The following SLC17A5 variants were observed in gnomAD, a reference collection of about 807,000 sequenced individuals.
SLC17A5 encodes solute carrier family 17 member 5, also known as sialin.
In SLC17A5, 47 loss-of-function variants were observed where a neutral mutation model predicts 59.4. That is an observed-to-expected ratio of 0.79 (90% CI 0.63 to 1.01). The LOEUF is 1.01. Ranked by LOEUF, SLC17A5 falls within the 50% of genes least tolerant of loss-of-function variation. SLC17A5 has a pLI of 0.00. For synonymous variants in SLC17A5, 202 were observed against 210.7 expected (o/e 0.96, Z 0.36); for missense variants, 522 against 595.5 (o/e 0.88, Z 1.28).
intron 6 of SLC17A5, among the ~76,000 whole-genome samples, chr6:73,634,776 G>T (rs494841): frequency 0.16 from 24,834 of 152,012 alleles, 3,123 homozygotes; most frequent in African/African-American, 0.35. Flanking sequence ...CATCATGTGG[G>T]TTCTCAAAAA....
intron 5 of SLC17A5, among the ~76,000 whole-genome samples, chr6:73,636,283 G>GAAAAAAAA (rs58330140): frequency 2.1e-5 from 2 of 95,600 alleles, no homozygotes; most frequent in Non-Finnish European, 2.2e-5. Context: ...TAAGTAAAAA[G>GAAAAAAAA]AAAAAAAAAA....
chr6:73,606,290 G>T (rs567929722), intron 9 of SLC17A5, among the ~76,000 whole-genome samples: 1 of 152,016 alleles, frequency 6.6e-6, no homozygotes, highest in Admixed American at 6.6e-5. Flanking sequence ...CGATCCAACC[G>T]CCTCAGCCTC....
intron 9 of SLC17A5, among the ~76,000 whole-genome samples, chr6:73,601,327 T>C (rs1767072905): frequency 7.4e-6 from 1 of 135,854 alleles, no homozygotes; most frequent in Non-Finnish European, 1.6e-5. Context: ...GTCTGAGAAG[T>C]GAGGAGCCCC....
chr6:73,614,268 G>GA (rs1449095048), intron 8 of SLC17A5, among the ~76,000 whole-genome samples: 4 of 151,356 alleles, frequency 2.6e-5, no homozygotes, highest in Non-Finnish European at 5.9e-5. Context: ...CCTGTCTCAA[G>GA]AAAAAAAATA....
At position 73,610,537 on chromosome 6, in the gene SLC17A5, TC is replaced by T. The variant is rs1057517119; in HGVS notation, c.1121del (p.Gly374AspfsTer7). The T allele has an allele frequency of 6.2e-7, 1 of 1,614,000 alleles. No individual in the cohort carries two copies. Among genetic ancestry groups the T allele is most frequent in the Non-Finnish European group, 8.5e-7 (1 of 1,180,000 alleles). On this transcript the variant is annotated frameshift_variant, in exon 9 of 11. Coordinates refer to ENST00000355773, the MANE Select transcript of SLC17A5 (RefSeq NM_012434.5). LOFTEE classifies it high-confidence loss of function. The stretch of plus-strand genomic sequence containing the variant: ...CAGCAGCTACCAGGAATACTGCAGG[TC>T]CAATCATTCCTGGAGTTAAAAAGTT... The part of the protein sequence containing the change: ...RRIFSLIGMI[G>X]PAVFLVAAGF...
chr6:73,641,086 T>C (rs568046134), intron 3 of SLC17A5, among the ~76,000 whole-genome samples: 1 of 151,346 alleles, frequency 6.6e-6, no homozygotes, highest in Admixed American at 6.6e-5. Flanking sequence ...ATCTTAACCA[T>C]TTTTTTTTCT....
At chr6:73,609,675 A>G (rs184998674) in intron 9 of SLC17A5, among the ~76,000 whole-genome samples, 2 of 152,234 alleles carry the variant, frequency 1.3e-5, no homozygotes, top group African/African-American at 4.8e-5. Context: ...GGGTGAACAG[A>G]CACAGTAATG....
intron 6 of SLC17A5, among the ~76,000 whole-genome samples, chr6:73,629,996 A>ATT (rs10585763): frequency 6.3e-5 from 9 of 143,314 alleles, no homozygotes; most frequent in Non-Finnish European, 7.7e-5. Context: ...TTATTTCTCT[A>ATT]TTTTTTTTTT....
intron 6 of SLC17A5, among the ~76,000 whole-genome samples, chr6:73,623,341 T>C (rs1768241719): frequency 6.8e-6 from 1 of 146,932 alleles, no homozygotes; most frequent in South Asian, 2.2e-4. Flanking sequence ...ACCTGGCCTA[T>C]GTATTTTTTT....
intron 8 of SLC17A5, among the ~76,000 whole-genome samples, chr6:73,613,400 C>G (rs952115582): frequency 6.6e-6 from 1 of 151,600 alleles, no homozygotes; most frequent in Non-Finnish European, 1.5e-5. Context: ...GGATCTCACT[C>G]TGTTGCCCAG....
In SLC17A5 at chr6:73,601,192, G is replaced by A. The variant is rs562786402; in HGVS notation, c.1260-751C>T. On this transcript the variant is annotated intron_variant, in intron 9 of 10. Coordinates refer to ENST00000355773, the MANE Select transcript of SLC17A5 (RefSeq NM_012434.5). ...GAGATGTGGGGAGCGCCTCTGCCCC[G>A]CCGCCCCGTCTGGGATGTGAGGAGC... Among the ~76,000 whole-genome samples, 29 of 149,782 alleles carry A rather than the reference G, an allele frequency of 1.9e-4. No homozygotes were observed. The South Asian group carries it at 5.6e-3, about 29-fold the overall frequency.
At chr6:73,631,145 C>T (rs1263122261) in intron 6 of SLC17A5, among the ~76,000 whole-genome samples, 2 of 151,350 alleles carry the variant, frequency 1.3e-5, no homozygotes, top group Non-Finnish European at 2.9e-5. Flanking sequence ...CCTGTTGAAC[C>T]GAAACCAGGC....
chr6:73,627,235 C>G (rs1768467393), intron 6 of SLC17A5, among the ~76,000 whole-genome samples: 1 of 152,048 alleles, frequency 6.6e-6, no homozygotes, highest in South Asian at 2.1e-4. Context: ...TGCCACTATG[C>G]CTGGCTAATT....
intron 10 of SLC17A5, among the ~76,000 whole-genome samples, chr6:73,595,773 C>T (rs190612494): frequency 7.3e-4 from 111 of 151,948 alleles, no homozygotes; most frequent in African/African-American, 2.4e-3. Flanking sequence ...AGTGCAGTGG[C>T]GCAATCTCGG....
At chr6:73,629,748 C>G (rs1008681432) in intron 6 of SLC17A5, among the ~76,000 whole-genome samples, 4 of 151,944 alleles carry the variant, frequency 2.6e-5, no homozygotes, top group African/African-American at 9.7e-5. Flanking sequence ...GCACTCCAGC[C>G]TGGGCAACAA....
chr6:73,606,596 T>G (rs1378074126), intron 9 of SLC17A5, among the ~76,000 whole-genome samples: 1 of 148,866 alleles, frequency 6.7e-6, no homozygotes. Context: ...CACCTGATGC[T>G]TGAAGCTCAG....
chr6:73,643,233 C>T (rs923839687), intron 2 of SLC17A5, among the ~76,000 whole-genome samples: 2 of 151,482 alleles, frequency 1.3e-5, no homozygotes, highest in Admixed American at 6.6e-5. Context: ...GATCTCGGCT[C>T]ACTGCAGGCT....
intron 3 of SLC17A5, 77 bp downstream of exon 3, chr6:73,641,614 A>G: frequency 8.8e-7 from 1 of 1,131,758 alleles, no homozygotes; most frequent in South Asian, 1.5e-5. Flanking sequence ...TCATATTCAT[A>G]CCAAAGAATG....
intron 1 of SLC17A5, chr6:73,645,414 C>A (rs1197911561): frequency 6.1e-6 from 6 of 985,186 alleles, no homozygotes; most frequent in Non-Finnish European, 7.2e-6. Context: ...GTTGCAGCAT[C>A]TGTGACAGTT....
Sources: allele counts gnomAD v4.1 joint callset (sites outside exome capture counted in the v4.1 genomes callset), GRCh38; gene constraint gnomAD v4.1.1; transcripts MANE v1.5; gene names NCBI Gene and HGNC (gene_info 2026-07-23, HGNC 2026-07-21).